PDK1: variants seen among roughly 807,000 people sequenced by gnomAD.
The protein encoded by PDK1 is [Pyruvate dehydrogenase (acetyl-transferring)] kinase isozyme 1, mitochondrial.
Under a neutral mutation model 54.2 loss-of-function variants are expected in PDK1, and 39 were observed. That is an observed-to-expected ratio of 0.72 (90% confidence interval 0.56 to 0.94). The LOEUF (loss-of-function observed/expected upper bound fraction) is 0.94, where lower values mean the gene tolerates loss of function less well. PDK1 is among the 40% of genes least tolerant of loss of function. The probability of loss-of-function intolerance (pLI) is 0.00; values close to 1 mark genes in which losing one functional copy is unlikely to be tolerated. For synonymous variants in PDK1, 221 were observed against 207.1 expected, an observed-to-expected ratio of 1.07 and a Z score of -0.58; for missense variants, 552 against 566.0, an observed-to-expected ratio of 0.98 and a Z score of 0.25.
chr2:172,706,082 A>G, the PDK1 span, among the ~76,000 whole-genome samples: 1 of 152,240 alleles, frequency 6.6e-6, no homozygotes, highest in Non-Finnish European at 1.5e-5. Flanking sequence ...CAGTCAAGAT[A>G]AAGAACATTT....
At chr2:172,677,943 C>T in the PDK1 span, among the ~76,000 whole-genome samples, 5 of 152,162 alleles carry the variant, frequency 3.3e-5, no homozygotes, top group East Asian at 5.8e-4. Flanking sequence ...CCAAGGCAGG[C>T]GGATCACCTT....
At position 172,564,883 on chromosome 2, in the gene PDK1, T is replaced by G. The variant is rs909459925; in HGVS notation, c.596-95T>G. The G allele has an allele frequency of 1.7e-5, 16 of 950,938 alleles. 1 individual carries two copies. The South Asian group carries it at 2.3e-4, about 14-fold the overall frequency. 58.9% of individuals were successfully genotyped at this position (950,938 alleles called of 1,614,324 possible). A position where few individuals can be genotyped will look rare whatever the true frequency, so the allele number is the denominator to read the frequency against. On this transcript the variant is annotated intron_variant, in intron 4 of 10. Transcript: ENST00000282077. ...CTATGTTTATCCTAAAGGAAAATAT[T>G]TGTTCTGTTTGGTACAATTTAAACA...
At chr2:172,668,388 C>A in the PDK1 span, among the ~76,000 whole-genome samples, 2,573 of 151,868 alleles carry the variant, frequency 0.017, 71 homozygotes, top group African/African-American at 0.059. Context: ...AACAAAAAAC[C>A]CCCAGTAATG....
Position 172,598,981 on chromosome 2 carries a change from T to C in PDK1, c.*3012T>C, listed in dbSNP as rs900738567. The C allele has an allele frequency of 6.6e-6, 1 of 152,160 alleles. No individual in the cohort carries two copies. The highest frequency in any genetic ancestry group is 2.4e-5 in the African/African-American group (1 of 41,456). 9.4% of individuals were successfully genotyped at this position (152,160 alleles called of 1,614,324 possible). A position where few individuals can be genotyped will look rare whatever the true frequency, so the allele number is the denominator to read the frequency against. On this transcript the variant is annotated 3_prime_UTR_variant, in exon 11 of 11. Transcript: ENST00000282077. ...TTGGAACTTAGATTTCCAATGTGTA[T>C]ATTCTAATGGAGAAAGCAAGAGGTA... is the stretch of plus-strand genomic sequence containing the variant.
chr2:172,654,723 G>A, the PDK1 span, among the ~76,000 whole-genome samples: 4 of 152,112 alleles, frequency 2.6e-5, no homozygotes, highest in East Asian at 3.9e-4. Context: ...ACAAATGTGC[G>A]TGTTGTGCAC....
At chr2:172,649,882 G>A in the PDK1 span, among the ~76,000 whole-genome samples, 1 of 152,128 alleles carries the variant, frequency 6.6e-6, no homozygotes, top group Non-Finnish European at 1.5e-5. Context: ...TGAAAGTGAT[G>A]GGGAGAATGG....
At chr2:172,644,236 A>C in the PDK1 span, among the ~76,000 whole-genome samples, 1 of 152,246 alleles carries the variant, frequency 6.6e-6, no homozygotes, top group Non-Finnish European at 1.5e-5. Flanking sequence ...ACTTCAAGGA[A>C]TATAACAAGG....
rs192604747 is a variant in PDK1, at chr2:172,595,747, C to A, written c.1171-82C>A. ...TAGAATATTATTTAATTTGTCGTAACCTTTTTGCCATTGTCTATTTTCTCA... is the reference window on the plus strand; with the variant it reads ...TAGAATATTATTTAATTTGTCGTAAACTTTTTGCCATTGTCTATTTTCTCA... On this transcript the variant is annotated intron_variant, in intron 10 of 10. Coordinates refer to ENST00000282077, the MANE Select transcript of PDK1 (RefSeq NM_002610.5). 6.1e-6 allele frequency: 7 copies of A among 1,139,698 alleles called. No individual in the cohort carries two copies. In the Admixed American group the frequency reaches 8.0e-5, roughly 13 times the overall value. 70.6% of individuals were successfully genotyped at this position (1,139,698 alleles called of 1,614,324 possible). A position where few individuals can be genotyped will look rare whatever the true frequency, so the allele number is the denominator to read the frequency against.
intron 3 of PDK1, chr2:172,562,882 T>C (rs1574467357): frequency 1.6e-6 from 2 of 1,283,922 alleles, no homozygotes; most frequent in Admixed American, 4.0e-5. Flanking sequence ...ACCTGCTTAT[T>C]GCAGTGAAGG....
At chr2:172,624,411 A>G in the PDK1 span, among the ~76,000 whole-genome samples, 3 of 152,138 alleles carry the variant, frequency 2.0e-5, no homozygotes, top group African/African-American at 7.2e-5. Flanking sequence ...CTTCTCATAG[A>G]AGGGTGAACC....
At chr2:172,621,717 TTATATGTTTATATCTCATATATGTCATA>T in the PDK1 span, among the ~76,000 whole-genome samples, 8 of 137,674 alleles carry the variant, frequency 5.8e-5, no homozygotes, top group East Asian at 4.0e-4. Flanking sequence ...ATCAAACATG[TTATATGTTTATATCTCATATATGTCATA>T]TATGTTTATA....
chr2:172,653,355 C>A, the PDK1 span, among the ~76,000 whole-genome samples: 1 of 152,128 alleles, frequency 6.6e-6, no homozygotes, highest in Non-Finnish European at 1.5e-5. Flanking sequence ...GTAATCCCAG[C>A]ACTTTGGGAG....
the PDK1 span, among the ~76,000 whole-genome samples, chr2:172,671,462 G>C: frequency 6.8e-6 from 1 of 147,446 alleles, no homozygotes; most frequent in Admixed American, 6.8e-5. Flanking sequence ...GTAAGTTAAT[G>C]CTTTTTTTTT....
At chr2:172,616,314 A>C in the PDK1 span, among the ~76,000 whole-genome samples, 2 of 152,226 alleles carry the variant, frequency 1.3e-5, no homozygotes, top group African/African-American at 4.8e-5. Flanking sequence ...ATACTCTCAA[A>C]ACCCAATGAT....
chr2:172,558,638 C>G (rs1558922796), intron 1 of PDK1, 70 bp from the exon 2 acceptor site: 1 of 1,363,326 alleles, frequency 7.3e-7, no homozygotes, highest in African/African-American at 1.5e-5. Flanking sequence ...CTCTCTATTT[C>G]TCTCAGCCTC....
chr2:172,621,662 TATATG>T, the PDK1 span, among the ~76,000 whole-genome samples: 4 of 148,154 alleles, frequency 2.7e-5, no homozygotes, highest in Non-Finnish European at 4.5e-5. Flanking sequence ...GTTTATCATA[TATATG>T]ATATATGTTT....
At chr2:172,660,776 G>A in the PDK1 span, among the ~76,000 whole-genome samples, 6 of 152,012 alleles carry the variant, frequency 3.9e-5, no homozygotes, top group South Asian at 8.3e-4. Flanking sequence ...ATTCCTGCTC[G>A]AGCCTCTCTT....
the PDK1 span, among the ~76,000 whole-genome samples, chr2:172,710,887 C>G: frequency 6.6e-6 from 1 of 152,224 alleles, no homozygotes; most frequent in Non-Finnish European, 1.5e-5. Context: ...AGAAGGCTCT[C>G]ATGCCACTAA....
chr2:172,710,574 A>G, the PDK1 span, among the ~76,000 whole-genome samples: 1 of 152,338 alleles, frequency 6.6e-6, no homozygotes, highest in African/African-American at 2.4e-5. Flanking sequence ...ATTGCTTTGC[A>G]TGGTTTAGGC....
Sources: allele counts gnomAD v4.1 joint callset (sites outside exome capture counted in the v4.1 genomes callset), GRCh38; gene constraint gnomAD v4.1.1; transcripts MANE v1.5; gene names NCBI Gene and HGNC (gene_info 2026-07-23, HGNC 2026-07-21).